Variants in RORA observed in about 807,000 individuals in gnomAD.
RORA encodes nuclear receptor ROR-alpha.
Under a neutral mutation model 69.5 loss-of-function variants are expected in RORA, and 7 were observed. The observed-to-expected ratio is 0.10, with a 90% CI of 0.06 to 0.19. The LOEUF (loss-of-function observed/expected upper bound fraction) is 0.19. Among genes scored for constraint, RORA ranks in the 10% least tolerant of loss-of-function variants. RORA has a pLI of 1.00. For synonymous variants in RORA, 261 were observed against 240.8 expected, an observed-to-expected ratio of 1.08 and a Z score of -0.78; for missense variants, 457 against 663.0, an observed-to-expected ratio of 0.69 and a Z score of 3.41.
intron 1 of RORA, among the ~76,000 whole-genome samples, chr15:60,902,217 CA>C (rs1415669604): frequency 6.6e-6 from 1 of 152,096 alleles, no homozygotes; most frequent in African/African-American, 2.4e-5. Flanking sequence ...ATATGGTCAC[CA>C]GATAAACTCT....
chr15:61,018,122 C>G (rs1336427453), intron 1 of RORA, among the ~76,000 whole-genome samples: 1 of 152,156 alleles, frequency 6.6e-6, no homozygotes, highest in Non-Finnish European at 1.5e-5. Flanking sequence ...ACTTTGTTAG[C>G]CCCTTATAAT....
intron 10 of RORA, among the ~76,000 whole-genome samples, chr15:60,499,100 A>G (rs1401630573): frequency 6.6e-6 from 1 of 152,202 alleles, no homozygotes; most frequent in Non-Finnish European, 1.5e-5. Context: ...TTGAATACAG[A>G]GTAGTGATGG....
rs536913180 is a variant in RORA, at chr15:61,064,363, T to C, written c.166+164690A>G. 2.0e-5 allele frequency among the ~76,000 whole-genome samples: 3 copies of C among 152,388 alleles called. No homozygotes were observed. In the South Asian group the frequency reaches 6.2e-4, roughly 32 times the overall value. Reference sequence around the variant, plus strand: ...TTTAAATAGTTCCTTATTTTTGCAATGCCTTGCAATACAAAGGCACATTTA... The same window carrying C: ...TTTAAATAGTTCCTTATTTTTGCAACGCCTTGCAATACAAAGGCACATTTA... On this transcript the variant is annotated intron_variant, in intron 1 of 10. Transcript: ENST00000335670.
chr15:60,845,435 T>G (rs900822588), intron 1 of RORA, among the ~76,000 whole-genome samples: 1 of 152,170 alleles, frequency 6.6e-6, no homozygotes, highest in African/African-American at 2.4e-5. Context: ...TTTTCAACCT[T>G]TTCGTTTCCC....
rs1595852050 is a variant in RORA at position 60,492,391 on chromosome 15, C to T, written c.*5064G>A. 1 of 152,094 alleles carries T rather than the reference C, an allele frequency of 6.6e-6. No individual in the cohort carries two copies. Among genetic ancestry groups the T allele is most frequent in the Non-Finnish European group, 1.5e-5 (1 of 67,992 alleles). 9.4% of individuals were successfully genotyped at this position (152,094 alleles called of 1,614,324 possible). Reference sequence around the variant, plus strand: ...GTTTTGTTTTGTCTTTAAACATTAGCTCTTGTAATGCATCAGATATAAACT... The same window carrying T: ...GTTTTGTTTTGTCTTTAAACATTAGTTCTTGTAATGCATCAGATATAAACT... On this transcript the variant is annotated 3_prime_UTR_variant, in exon 11 of 11. Transcript: ENST00000335670.
chr15:60,730,677 T>C (rs1387004023), intron 1 of RORA, among the ~76,000 whole-genome samples: 2 of 152,222 alleles, frequency 1.3e-5, no homozygotes, highest in African/African-American at 4.8e-5. Context: ...CATGTTTTCC[T>C]GTGATCATTT....
intron 1 of RORA, among the ~76,000 whole-genome samples, chr15:60,737,358 A>G (rs1479409263): frequency 6.6e-6 from 1 of 152,202 alleles, no homozygotes; most frequent in Non-Finnish European, 1.5e-5. Context: ...TAATTGCAGG[A>G]TGGTGCTCTT....
intron 1 of RORA, among the ~76,000 whole-genome samples, chr15:60,772,988 C>A (rs1352638919): frequency 6.6e-6 from 1 of 152,204 alleles, no homozygotes; most frequent in Non-Finnish European, 1.5e-5. Context: ...GCTTTATTAC[C>A]ATGGGGTGAA....
chr15:60,627,999 T>G (rs2069636903), intron 2 of RORA, among the ~76,000 whole-genome samples: 1 of 152,218 alleles, frequency 6.6e-6, no homozygotes, highest in South Asian at 2.1e-4. Context: ...TATTTTAGGA[T>G]AGTTTTAGAG....
intron 1 of RORA, among the ~76,000 whole-genome samples, chr15:61,151,642 T>G (rs2079399021): frequency 6.6e-6 from 1 of 152,234 alleles, no homozygotes; most frequent in Non-Finnish European, 1.5e-5. Context: ...ATTTTGCTAC[T>G]ATTGATCTGT....
intron 2 of RORA, among the ~76,000 whole-genome samples, chr15:60,533,602 C>T (rs1388165599): frequency 2.0e-5 from 3 of 152,154 alleles, no homozygotes; most frequent in Non-Finnish European, 2.9e-5. Context: ...AAGCGAGTTA[C>T]GCCTAACATT....
At chr15:61,144,684 T>C (rs897780846) in intron 1 of RORA, among the ~76,000 whole-genome samples, 1 of 152,216 alleles carries the variant, frequency 6.6e-6, no homozygotes, top group African/African-American at 2.4e-5. Flanking sequence ...TTCTTAATGC[T>C]GTTGAGTGGA....
At chr15:60,830,184 A>T (rs2073023089) in intron 1 of RORA, among the ~76,000 whole-genome samples, 2 of 152,216 alleles carry the variant, frequency 1.3e-5, no homozygotes, top group African/African-American at 2.4e-5. Flanking sequence ...AAAAAACTTT[A>T]TTTATAATTG....
chr15:60,925,472 A>T (rs1299601201), intron 1 of RORA, among the ~76,000 whole-genome samples: 1 of 152,178 alleles, frequency 6.6e-6, no homozygotes, highest in Non-Finnish European at 1.5e-5. Context: ...CACCTGTCTG[A>T]TCCCACAGTA....
intron 1 of RORA, among the ~76,000 whole-genome samples, chr15:61,217,184 C>G (rs1327052328): frequency 6.6e-6 from 1 of 152,312 alleles, no homozygotes; most frequent in East Asian, 1.9e-4. Context: ...TAATGGGCAC[C>G]TATTTTATGC....
chr15:60,622,059 A>G (rs1216086144), intron 2 of RORA, among the ~76,000 whole-genome samples: 1 of 151,906 alleles, frequency 6.6e-6, no homozygotes, highest in East Asian at 1.9e-4. Context: ...AAAAAAAAGG[A>G]AAGCGGAATG....
At chr15:60,579,403 G>A (rs569748497) in intron 2 of RORA, among the ~76,000 whole-genome samples, 1 of 152,114 alleles carries the variant, frequency 6.6e-6, no homozygotes, top group South Asian at 2.1e-4. Context: ...TCCTTGTGGG[G>A]TTCACGTAAA....
At chr15:60,588,877 T>C (rs577899952) in intron 2 of RORA, among the ~76,000 whole-genome samples, 2 of 152,346 alleles carry the variant, frequency 1.3e-5, no homozygotes, top group East Asian at 1.9e-4. Context: ...AGTAACGTGA[T>C]TGAAATATAT....
chr15:60,746,478 C>T (rs1048494603), intron 1 of RORA, among the ~76,000 whole-genome samples: 5 of 151,614 alleles, frequency 3.3e-5, no homozygotes, highest in African/African-American at 7.3e-5. Flanking sequence ...CTTTAGAACT[C>T]GCAATATAAG....
Sources: allele counts gnomAD v4.1 joint callset (sites outside exome capture counted in the v4.1 genomes callset), GRCh38; gene constraint gnomAD v4.1.1; transcripts MANE v1.5; gene names NCBI Gene and HGNC (gene_info 2026-07-23, HGNC 2026-07-21).